Variants in GSTCD observed in about 807,000 individuals in gnomAD.
GSTCD encodes the protein glutathione S-transferase C-terminal domain containing.
A neutral mutation model predicts 68.3 loss-of-function variants in GSTCD; 44 were observed. That is an observed-to-expected ratio of 0.64 (90% CI 0.51 to 0.83). The LOEUF (loss-of-function observed/expected upper bound fraction) is 0.83, where lower values mean the gene tolerates loss of function less well. Among genes scored for constraint, GSTCD ranks in the 40% least tolerant of loss-of-function variants. The pLI, the probability that GSTCD is intolerant of heterozygous loss-of-function variation, is 0.00. For synonymous variants in GSTCD, 273 were observed against 255.2 expected, an observed-to-expected ratio of 1.07 and a Z score of -0.67; for missense variants, 739 against 735.9, an observed-to-expected ratio of 1.00 and a Z score of -0.05.
intron 5 of GSTCD, among the ~76,000 whole-genome samples, chr4:105,811,946 TAA>T (rs1722769252): frequency 6.6e-6 from 1 of 152,160 alleles, no homozygotes; most frequent in South Asian, 2.1e-4. Context: ...AGTTTCATGG[TAA>T]AAGAGTTCAG....
chr4:105,718,760 C>G (rs1011752980), intron 2 of GSTCD, among the ~76,000 whole-genome samples: 1 of 151,974 alleles, frequency 6.6e-6, no homozygotes, highest in Non-Finnish European at 1.5e-5. Flanking sequence ...GCTCAAATAG[C>G]AATGCTTTGG....
chr4:105,716,855 A>T (rs1732695909), intron 1 of GSTCD, among the ~76,000 whole-genome samples: 1 of 152,106 alleles, frequency 6.6e-6, no homozygotes, highest in South Asian at 2.1e-4. Flanking sequence ...GATCAAGGAG[A>T]TTTTTGTAGG....
intron 5 of GSTCD, among the ~76,000 whole-genome samples, chr4:105,804,684 G>T (rs572183686): frequency 2.0e-5 from 3 of 151,800 alleles, no homozygotes; most frequent in Non-Finnish European, 4.4e-5. Flanking sequence ...TGCAGTATAC[G>T]CAGGTTTGCT....
intron 5 of GSTCD, among the ~76,000 whole-genome samples, chr4:105,740,429 C>T (rs551952019): frequency 5.3e-5 from 8 of 152,146 alleles, no homozygotes; most frequent in South Asian, 4.2e-4. Context: ...GTTCTCTGTA[C>T]GGCTATCCTG....
At chr4:105,791,140 T>G (rs1340376055) in intron 5 of GSTCD, among the ~76,000 whole-genome samples, 1 of 151,898 alleles carries the variant, frequency 6.6e-6, no homozygotes, top group Non-Finnish European at 1.5e-5. Context: ...ATGCCTGTAA[T>G]CCCAGCACTT....
At chr4:105,804,073 T>C (rs1578489495) in intron 5 of GSTCD, among the ~76,000 whole-genome samples, 1 of 152,134 alleles carries the variant, frequency 6.6e-6, no homozygotes, top group East Asian at 1.9e-4. Context: ...GTTTAAAATG[T>C]ATTTCTATTT....
chr4:105,727,526 G>T (rs1344823249), intron 4 of GSTCD, among the ~76,000 whole-genome samples: 2 of 127,406 alleles, frequency 1.6e-5, no homozygotes, highest in Non-Finnish European at 3.4e-5. Context: ...CTCTGTCTCG[G>T]AAAAAAAAAA....
rs1379229472 is a variant in GSTCD at position 105,847,124 on chromosome 4, A to G, written c.*1547A>G. 1 of 152,158 alleles carries G rather than the reference A, an allele frequency of 6.6e-6. No homozygotes were observed. The highest frequency in any genetic ancestry group is 2.4e-5 in the African/African-American group (1 of 41,430). 9.4% of individuals were successfully genotyped at this position (152,158 alleles called of 1,614,324 possible). A position where few individuals can be genotyped will look rare whatever the true frequency, so the allele number is the denominator to read the frequency against. On this transcript the variant is annotated 3_prime_UTR_variant, in exon 12 of 12. Transcript: ENST00000515279. ...CTGCCAGCCAACATTTTAAAAGACA[A>G]ATGATGCATCCTTTCTCAATGCTGC... is the stretch of plus-strand genomic sequence containing the variant.
At chr4:105,803,554 C>T (rs184548180) in intron 5 of GSTCD, among the ~76,000 whole-genome samples, 25 of 151,830 alleles carry the variant, frequency 1.6e-4, no homozygotes, top group Non-Finnish European at 3.5e-4. Flanking sequence ...GGCTAGGAAA[C>T]ATGTAACTGA....
chr4:105,770,711 T>C (rs891366398), intron 5 of GSTCD, among the ~76,000 whole-genome samples: 1 of 152,242 alleles, frequency 6.6e-6, no homozygotes, highest in African/African-American at 2.4e-5. Flanking sequence ...CTCATCCTTT[T>C]TTATGGCTGC....
At chr4:105,776,446 G>A (rs1735066522) in intron 5 of GSTCD, among the ~76,000 whole-genome samples, 1 of 152,176 alleles carries the variant, frequency 6.6e-6, no homozygotes, top group Non-Finnish European at 1.5e-5. Flanking sequence ...TTTTGTGCTT[G>A]AAACCCAGGG....
intron 1 of GSTCD, among the ~76,000 whole-genome samples, chr4:105,710,200 A>G (rs1732477857): frequency 6.7e-6 from 1 of 148,838 alleles, no homozygotes; most frequent in South Asian, 2.1e-4. Flanking sequence ...AACACAGCTC[A>G]AACTTGAGCT....
In GSTCD at chr4:105,847,691, GTTCT is replaced by G. The variant is rs1275150974; in HGVS notation, c.*2119_*2122del. ...TACTTTAATGATTAATATTTTCTGTGTTCTTTCTAATAAATTTTACGAACTCTGA... is the reference window on the plus strand; with the variant it reads ...TACTTTAATGATTAATATTTTCTGTGTTCTAATAAATTTTACGAACTCTGA... On this transcript the variant is annotated 3_prime_UTR_variant, in exon 12 of 12. Transcript: ENST00000515279. The G allele has an allele frequency of 2.0e-5, 3 of 152,004 alleles. No individual in the cohort carries two copies. The highest frequency in any genetic ancestry group is 4.8e-5 in the African/African-American group (2 of 41,390). 9.4% of individuals were successfully genotyped at this position (152,004 alleles called of 1,614,324 possible). A position where few individuals can be genotyped will look rare whatever the true frequency, so the allele number is the denominator to read the frequency against.
chr4:105,787,126 A>G (rs1184974598), intron 5 of GSTCD, among the ~76,000 whole-genome samples: 2 of 152,096 alleles, frequency 1.3e-5, no homozygotes, highest in Non-Finnish European at 2.9e-5. Flanking sequence ...AACATACTCA[A>G]AATATTTTTT....
intron 8 of GSTCD, among the ~76,000 whole-genome samples, chr4:105,833,566 A>G (rs1447074393): frequency 6.6e-6 from 1 of 152,090 alleles, no homozygotes; most frequent in Middle Eastern, 3.2e-3. Flanking sequence ...ATTCATTACA[A>G]TTTATGTTTG....
intron 1 of GSTCD, among the ~76,000 whole-genome samples, chr4:105,711,831 G>A (rs1195701154): frequency 6.6e-6 from 1 of 152,096 alleles, no homozygotes; most frequent in African/African-American, 2.4e-5. Flanking sequence ...GCACATGTAT[G>A]GAATCTAGTT....
intron 5 of GSTCD, among the ~76,000 whole-genome samples, chr4:105,768,194 A>AT (rs1357568103): frequency 6.6e-6 from 1 of 151,290 alleles, no homozygotes; most frequent in Non-Finnish European, 1.5e-5. Context: ...CGCCCGGCTA[A>AT]TTTTTTTTGT....
intron 5 of GSTCD, among the ~76,000 whole-genome samples, chr4:105,822,063 C>T (rs1479865957): frequency 6.6e-6 from 1 of 151,828 alleles, no homozygotes; most frequent in Non-Finnish European, 1.5e-5. Context: ...TCAGGATTTT[C>T]CCTTTTATCT....
At chr4:105,801,895 A>G (rs1736118472) in intron 5 of GSTCD, among the ~76,000 whole-genome samples, 1 of 152,034 alleles carries the variant, frequency 6.6e-6, no homozygotes, top group African/African-American at 2.4e-5. Flanking sequence ...GGTGCTTATG[A>G]AGTCAAACCT....
Sources: gnomAD v4.1 joint callset for allele counts (sites outside exome capture counted in the v4.1 genomes callset) on GRCh38, gnomAD v4.1.1 for gene constraint, MANE v1.5 for transcripts, NCBI Gene and HGNC (gene_info 2026-07-23, HGNC 2026-07-21) for gene names.